Variants in NRG3 observed in about 807,000 individuals in gnomAD.
NRG3 encodes neuregulin 3.
NRG3 carries 31 observed loss-of-function variants against 66.9 expected under a neutral mutation model. That is an observed-to-expected ratio of 0.46 (90% CI 0.35 to 0.63). The LOEUF (loss-of-function observed/expected upper bound fraction) is 0.63, where lower values mean the gene tolerates loss of function less well. Among genes scored for constraint, NRG3 ranks in the 20% least tolerant of loss-of-function variants. NRG3 has a pLI of 0.00. For missense variants in NRG3, 910 were observed against 878.9 expected (o/e 1.04, Z -0.45); for synonymous variants, 393 against 359.4 (o/e 1.09, Z -1.06).
chr10:82,980,204 CA>C (rs1239692804), intron 8 of NRG3, among the ~76,000 whole-genome samples: 16 of 110,156 alleles, frequency 1.5e-4, no homozygotes, highest in African/African-American at 5.2e-4. Flanking sequence ...GACCCTATCT[CA>C]AAAAAGAAAA....
intron 1 of NRG3, among the ~76,000 whole-genome samples, chr10:82,206,028 T>G (rs1477580163): frequency 6.6e-6 from 1 of 152,206 alleles, no homozygotes; most frequent in Non-Finnish European, 1.5e-5. Context: ...TAGGCCTTAC[T>G]CAATGATGCT....
At chr10:82,818,322 G>C (rs1360091362) in intron 3 of NRG3, among the ~76,000 whole-genome samples, 1 of 152,066 alleles carries the variant, frequency 6.6e-6, no homozygotes, top group Non-Finnish European at 1.5e-5. Flanking sequence ...GTCCTCTTTG[G>C]TTTGGGAAAC....
At chr10:82,951,103 G>T (rs916537636) in intron 4 of NRG3, among the ~76,000 whole-genome samples, 9 of 152,174 alleles carry the variant, frequency 5.9e-5, no homozygotes, top group Non-Finnish European at 1.2e-4. Flanking sequence ...ACTGCCACAG[G>T]AAAGCTCAGA....
At chr10:82,735,472 A>G (rs2058108044) in intron 2 of NRG3, among the ~76,000 whole-genome samples, 1 of 152,210 alleles carries the variant, frequency 6.6e-6, no homozygotes, top group Non-Finnish European at 1.5e-5. Context: ...TTTTATTGCA[A>G]CACTATTTGC....
In NRG3 at chr10:82,191,154, C is replaced by T. The variant is rs534850632; in HGVS notation, c.824-167585C>T. Among the ~76,000 whole-genome samples the T allele has an allele frequency of 2.0e-5, 3 of 152,260 alleles. No homozygotes were observed. In the South Asian group the frequency reaches 6.2e-4, roughly 32 times the overall value. Reference sequence around the variant, plus strand: ...GTCTCCGAGGTGGAGAAGGTTTCTTCTGTCTAGGTTGGACAGTTTAGCAAC... The same window carrying T: ...GTCTCCGAGGTGGAGAAGGTTTCTTTTGTCTAGGTTGGACAGTTTAGCAAC... On this transcript the variant is annotated intron_variant, in intron 1 of 8. Coordinates refer to ENST00000372141, the MANE Select transcript of NRG3 (RefSeq NM_001010848.4).
intron 2 of NRG3, among the ~76,000 whole-genome samples, chr10:82,445,003 T>C (rs2090638485): frequency 6.6e-6 from 1 of 152,198 alleles, no homozygotes; most frequent in Non-Finnish European, 1.5e-5. Flanking sequence ...TTTAATTTAG[T>C]TTCAAAAGCC....
intron 8 of NRG3, among the ~76,000 whole-genome samples, chr10:82,983,779 A>G (rs1434159187): frequency 6.6e-6 from 1 of 152,164 alleles, no homozygotes; most frequent in Non-Finnish European, 1.5e-5. Context: ...ATAAAGGGAG[A>G]GTTTACCTTG....
chr10:82,146,101 T>A (rs1481696476), intron 1 of NRG3, among the ~76,000 whole-genome samples: 2 of 152,194 alleles, frequency 1.3e-5, no homozygotes, highest in Non-Finnish European at 2.9e-5. Flanking sequence ...TATGACAGCA[T>A]CTGATTCAGA....
In NRG3 at chr10:82,192,876, G is replaced by T. The variant is rs559757592; in HGVS notation, c.824-165863G>T. Among the ~76,000 whole-genome samples the T allele has an allele frequency of 3.3e-5, 5 of 152,082 alleles. No homozygotes were observed. The East Asian group carries it at 5.8e-4, about 18-fold the overall frequency. On this transcript the variant is annotated intron_variant, in intron 1 of 8. Transcript: ENST00000372141. Reference sequence around the variant, plus strand: ...ATGACGTCATAATATCTTTTGATTTGATGGTCAGGGAGAACAACTTTCCAA... The same window carrying T: ...ATGACGTCATAATATCTTTTGATTTTATGGTCAGGGAGAACAACTTTCCAA...
At chr10:82,656,788 C>T (rs753132064) in intron 2 of NRG3, among the ~76,000 whole-genome samples, 5 of 152,106 alleles carry the variant, frequency 3.3e-5, no homozygotes, top group Non-Finnish European at 7.4e-5. Flanking sequence ...TCTTATCTGT[C>T]ACATCATGCC....
intron 1 of NRG3, among the ~76,000 whole-genome samples, chr10:81,999,739 T>TAA (rs1405481378): frequency 3.3e-5 from 5 of 152,220 alleles, no homozygotes; most frequent in Non-Finnish European, 5.9e-5. Flanking sequence ...TGCTTTAAAG[T>TAA]ACTGGCAATA....
intron 1 of NRG3, among the ~76,000 whole-genome samples, chr10:82,182,102 G>A (rs2073462330): frequency 1.3e-5 from 2 of 149,366 alleles, no homozygotes; most frequent in Admixed American, 1.3e-4. Context: ...AATGGAACAT[G>A]TTTTTTTTTC....
chr10:82,419,821 T>A (rs576955879), intron 2 of NRG3, among the ~76,000 whole-genome samples: 3 of 152,316 alleles, frequency 2.0e-5, no homozygotes, highest in Non-Finnish European at 2.9e-5. Flanking sequence ...TTGACCCTGT[T>A]TTTCCTCCAT....
chr10:82,937,234 A>G (rs919319935), intron 4 of NRG3, among the ~76,000 whole-genome samples: 1 of 152,220 alleles, frequency 6.6e-6, no homozygotes, highest in Non-Finnish European at 1.5e-5. Flanking sequence ...AACCAATTAT[A>G]TTTTATTAAC....
At chr10:82,491,977 G>T (rs1188900278) in intron 2 of NRG3, among the ~76,000 whole-genome samples, 1 of 152,126 alleles carries the variant, frequency 6.6e-6, no homozygotes, top group East Asian at 1.9e-4. Flanking sequence ...TACTCTAATT[G>T]CCCTAAGATT....
intron 3 of NRG3, among the ~76,000 whole-genome samples, chr10:82,753,663 G>C (rs1411762639): frequency 6.6e-6 from 1 of 150,766 alleles, no homozygotes; most frequent in African/African-American, 2.4e-5. Flanking sequence ...CCTTTAAAAA[G>C]TTCCACCGGG....
chr10:82,155,746 G>A (rs1476192208), intron 1 of NRG3, among the ~76,000 whole-genome samples: 6 of 151,668 alleles, frequency 4.0e-5, no homozygotes, highest in Admixed American at 6.6e-5. Flanking sequence ...ATATTGACTG[G>A]TGACCATGTT....
intron 2 of NRG3, among the ~76,000 whole-genome samples, chr10:82,427,979 T>TTAA (rs2089553819): frequency 6.6e-6 from 1 of 152,076 alleles, no homozygotes; most frequent in Non-Finnish European, 1.5e-5. Flanking sequence ...TTAAGATTAT[T>TTAA]TAATTTGCTA....
Position 82,951,490 on chromosome 10 carries a change from G to A in NRG3, c.1076G>A (p.Arg359Lys), listed in dbSNP as rs145937983. The stretch of plus-strand genomic sequence containing the variant: ...ACAGAGAGTGAAGAAGTTTATCAAA[G>A]GCAGGTGCTGTCAATTTCATGTATC... ...EFMESEEVYQRQVLSISCIIF... is the reference protein window; with the variant it reads ...EFMESEEVYQKQVLSISCIIF... Residue 359 changes from arginine (R) to lysine (K), a missense_variant, in exon 5 of 9, where the codon AGG becomes AAG. Coordinates refer to ENST00000372141, the MANE Select transcript of NRG3 (RefSeq NM_001010848.4). 3.3e-5 allele frequency: 54 copies of A among 1,613,872 alleles called. No homozygotes were observed. The African/African-American group carries it at 6.0e-4, about 18-fold the overall frequency.
Sources: allele counts gnomAD v4.1 joint callset (sites outside exome capture counted in the v4.1 genomes callset), GRCh38; gene constraint gnomAD v4.1.1; transcripts MANE v1.5; gene names NCBI Gene and HGNC (gene_info 2026-07-23, HGNC 2026-07-21).